BABAM2: variants seen among roughly 807,000 people sequenced by gnomAD.
BABAM2 encodes BRISC and BRCA1 A complex member 2.
In BABAM2, 31 loss-of-function variants were observed where a neutral mutation model predicts 54.7. The observed-to-expected ratio is 0.57, with a 90% CI of 0.43 to 0.77. The LOEUF (loss-of-function observed/expected upper bound fraction) is 0.77, where lower values mean the gene tolerates loss of function less well. Among genes scored for constraint, BABAM2 ranks in the 30% least tolerant of loss-of-function variants. BABAM2 has a pLI of 0.00. For missense variants in BABAM2, 364 were observed against 455.8 expected (o/e 0.80, Z 1.83); for synonymous variants, 167 against 162.9 (o/e 1.03, Z -0.19).
chr2:28,144,548 G>T lies in BABAM2; in HGVS notation c.680+15168G>T, dbSNP rs557444968. On this transcript the variant is annotated intron_variant, in intron 7 of 11. Transcript: ENST00000379624. ...TTGCATATTCTTCAGAACATGCATG[G>T]ACTTGCTTGTATATAAGCCCAAATG... is the stretch of plus-strand genomic sequence containing the variant. Among the ~76,000 whole-genome samples, 29 of 152,198 alleles carry T rather than the reference G, an allele frequency of 1.9e-4. 2 individuals are homozygous for T. In the South Asian group the frequency reaches 6.0e-3, roughly 32 times the overall value.
intron 10 of BABAM2, among the ~76,000 whole-genome samples, chr2:28,296,438 C>A (rs570240724): frequency 1.5e-4 from 23 of 152,122 alleles, no homozygotes; most frequent in Non-Finnish European, 3.1e-4. Flanking sequence ...TCGTGTGATT[C>A]ATCTGTAGAA....
chr2:27,900,614 A>C (rs1372847816), intron 2 of BABAM2, among the ~76,000 whole-genome samples: 2 of 152,188 alleles, frequency 1.3e-5, no homozygotes. Context: ...TTCCTTGAGA[A>C]ACTACTTGTT....
chr2:27,941,960 ACTTTAAT>A (rs1668921190), intron 3 of BABAM2, among the ~76,000 whole-genome samples: 1 of 152,202 alleles, frequency 6.6e-6, no homozygotes, highest in Non-Finnish European at 1.5e-5. Flanking sequence ...TGGAGCTTCT[ACTTTAAT>A]GAATCTACCT....
intron 7 of BABAM2, among the ~76,000 whole-genome samples, chr2:28,155,088 A>G (rs1672422416): frequency 6.6e-6 from 1 of 152,196 alleles, no homozygotes; most frequent in Non-Finnish European, 1.5e-5. Flanking sequence ...GAAAAATAAA[A>G]TTGAAGTTTT....
At chr2:28,213,230 A>C (rs1269779485) in intron 7 of BABAM2, among the ~76,000 whole-genome samples, 1 of 152,144 alleles carries the variant, frequency 6.6e-6, no homozygotes, top group African/African-American at 2.4e-5. Flanking sequence ...TGTCTCAAAA[A>C]AAAAAAAAAT....
chr2:28,167,680 C>T (rs930846595), intron 7 of BABAM2, among the ~76,000 whole-genome samples: 19 of 146,036 alleles, frequency 1.3e-4, no homozygotes, highest in African/African-American at 4.6e-4. Context: ...GGCGACAGAG[C>T]GAGACTCCAT....
At chr2:27,946,423 C>T (rs1414071680) in intron 3 of BABAM2, among the ~76,000 whole-genome samples, 1 of 152,122 alleles carries the variant, frequency 6.6e-6, no homozygotes, top group Non-Finnish European at 1.5e-5. Flanking sequence ...AAGAACTTTG[C>T]ATTTCTGTAT....
intron 7 of BABAM2, among the ~76,000 whole-genome samples, chr2:28,150,835 C>T (rs928531898): frequency 2.6e-5 from 4 of 152,142 alleles, no homozygotes; most frequent in Non-Finnish European, 4.4e-5. Flanking sequence ...CTGGATGGTC[C>T]TCCCAGCAAC....
intron 7 of BABAM2, among the ~76,000 whole-genome samples, chr2:28,197,987 A>G (rs1459269918): frequency 6.6e-6 from 1 of 152,156 alleles, no homozygotes; most frequent in African/African-American, 2.4e-5. Flanking sequence ...CAAGGCGGGA[A>G]CCCCGTAAGT....
At position 28,122,447 on chromosome 2, in the gene BABAM2, A is replaced by G. The variant is rs534927523; in HGVS notation, c.571-6824A>G. ...CACAGAAGCACTTACTTGATTTTCG[A>G]CATACTATGTAATAGCGCCTGTATA... On this transcript the variant is annotated intron_variant, in intron 6 of 11. Coordinates refer to ENST00000379624, the MANE Select transcript of BABAM2 (RefSeq NM_199191.3). Among the ~76,000 whole-genome samples the G allele has an allele frequency of 5.3e-5, 8 of 152,240 alleles. No homozygotes were observed. In the South Asian group the frequency reaches 1.7e-3, roughly 32 times the overall value.
chr2:28,288,925 C>G (rs1217006325), intron 10 of BABAM2, among the ~76,000 whole-genome samples: 1 of 151,210 alleles, frequency 6.6e-6, no homozygotes, highest in African/African-American at 2.4e-5. Flanking sequence ...CATGGACACC[C>G]TCATTCTTCC....
At chr2:28,245,732 C>G (rs1291363115) in intron 10 of BABAM2, among the ~76,000 whole-genome samples, 1 of 152,192 alleles carries the variant, frequency 6.6e-6, no homozygotes, top group Non-Finnish European at 1.5e-5. Flanking sequence ...ATTGACTTCA[C>G]TCAAACCCAT....
chr2:27,987,310 T>A (rs1362196208), intron 3 of BABAM2, among the ~76,000 whole-genome samples: 1 of 152,212 alleles, frequency 6.6e-6, no homozygotes, highest in African/African-American at 2.4e-5. Flanking sequence ...GTTTAATTTC[T>A]GCAAGGCAAA....
intron 11 of BABAM2, 93 bp downstream of exon 11, chr2:28,298,584 C>T: frequency 1.4e-6 from 2 of 1,446,752 alleles, no homozygotes; most frequent in Non-Finnish European, 9.4e-7. Context: ...TTAGTTCCTG[C>T]CCTGTGCATG....
chr2:27,939,461 A>G (rs572518360), intron 3 of BABAM2, among the ~76,000 whole-genome samples: 1 of 152,340 alleles, frequency 6.6e-6, no homozygotes, highest in Non-Finnish European at 1.5e-5. Context: ...TGCATAAATT[A>G]ATGAATCTTT....
intron 11 of BABAM2, among the ~76,000 whole-genome samples, chr2:28,301,240 TTTA>T (rs935292647): frequency 5.9e-5 from 9 of 152,324 alleles, no homozygotes; most frequent in African/African-American, 2.2e-4. Flanking sequence ...GAATCAGCTG[TTTA>T]TTCCCTCCTG....
intron 3 of BABAM2, 127 bp downstream of exon 3, chr2:27,930,035 A>G: frequency 1.3e-6 from 1 of 797,026 alleles, no homozygotes; most frequent in South Asian, 1.8e-5. Context: ...AGCATTTACC[A>G]CTTTTCTTAT....
intron 11 of BABAM2, among the ~76,000 whole-genome samples, chr2:28,319,898 G>T (rs1035827912): frequency 1.3e-5 from 2 of 152,212 alleles, no homozygotes; most frequent in Admixed American, 6.5e-5. Flanking sequence ...CACGGTGGGG[G>T]AAGTGACCTC....
At chr2:28,016,151 C>T in intron 4 of BABAM2, 1 of 1,251,490 alleles carries the variant, frequency 8.0e-7, no homozygotes, top group Non-Finnish European at 1.1e-6. Flanking sequence ...CTGGAAGAAT[C>T]AGAGCTTGAT....
Sources: gnomAD v4.1 joint callset for allele counts (sites outside exome capture counted in the v4.1 genomes callset) on GRCh38, gnomAD v4.1.1 for gene constraint, MANE v1.5 for transcripts, NCBI Gene and HGNC (gene_info 2026-07-23, HGNC 2026-07-21) for gene names.